The following TRPM8 variants were observed in gnomAD, a reference collection of about 807,000 sequenced individuals.
TRPM8 encodes transient receptor potential cation channel subfamily M member 8.
Under a neutral mutation model 133.7 loss-of-function variants are expected in TRPM8, and 110 were observed. The ratio of observed to expected loss-of-function variants is 0.82; its 90% CI spans 0.70 to 0.96. The LOEUF (loss-of-function observed/expected upper bound fraction) is 0.96. Among genes scored for constraint, TRPM8 ranks in the 40% least tolerant of loss-of-function variants. The pLI is 0.00. For missense variants in TRPM8, 1,291 were observed against 1,379.5 expected (o/e 0.94, Z 1.02); for synonymous variants, 535 against 532.3 (o/e 1.01, Z -0.07).
intron 6 of TRPM8, 44 bp from the exon 7 acceptor site, chr2:233,945,812 A>T: frequency 6.5e-7 from 1 of 1,535,214 alleles, no homozygotes; most frequent in Non-Finnish European, 9.0e-7. Context: ...ATGTATCTTG[A>T]CTGATAATAC....
At chr2:233,953,673 G>A (rs1038376847) in intron 9 of TRPM8, 8 of 336,472 alleles carry the variant, frequency 2.4e-5, no homozygotes, top group African/African-American at 1.5e-4. Flanking sequence ...GCACCTGCAC[G>A]CAGATGCACA....
At chr2:234,010,966 G>C (rs1401820812) in intron 24 of TRPM8, among the ~76,000 whole-genome samples, 4 of 152,080 alleles carry the variant, frequency 2.6e-5, no homozygotes, top group Non-Finnish European at 5.9e-5. Context: ...TGTGAAGAAG[G>C]TTTTGTTTTA....
At chr2:233,975,881 C>CAAACAAAACA (rs71400708) in intron 17 of TRPM8, among the ~76,000 whole-genome samples, 8 of 150,696 alleles carry the variant, frequency 5.3e-5, no homozygotes, top group South Asian at 2.1e-4. Flanking sequence ...GACTCCACCT[C>CAAACAAAACA]AAACAAAACA....
intron 1 of TRPM8, among the ~76,000 whole-genome samples, chr2:233,920,426 G>C (rs1472196948): frequency 1.3e-5 from 2 of 152,200 alleles, no homozygotes; most frequent in Non-Finnish European, 2.9e-5. Flanking sequence ...AGCAAAGATT[G>C]ACATAGTTAA....
Position 233,936,908 on chromosome 2 carries a change from T to G in TRPM8, c.192-445T>G, listed in dbSNP as rs1232338110. 3.7e-5 allele frequency among the ~76,000 whole-genome samples: 5 copies of G among 135,376 alleles called. No homozygotes were observed. In the East Asian group the frequency reaches 1.1e-3, roughly 29 times the overall value. The allele number at this position is 135,376 out of a possible 152,430, so 88.8% of individuals were successfully genotyped here. On this transcript the variant is annotated intron_variant, in intron 3 of 25. Coordinates refer to ENST00000324695, the MANE Select transcript of TRPM8 (RefSeq NM_024080.5). ...TTTCTTTCCTTTTTTTTTTTTTTTT[T>G]TTTTTTGAGAGGGAGTCTTGCTCTG...
chr2:233,923,165 G>A (rs1363018744), intron 1 of TRPM8, among the ~76,000 whole-genome samples: 3 of 152,072 alleles, frequency 2.0e-5, no homozygotes, highest in Non-Finnish European at 1.5e-5. Flanking sequence ...CACCGTGCCC[G>A]GCCATTTTTA....
At chr2:234,005,404 T>C (rs929007303) in intron 22 of TRPM8, among the ~76,000 whole-genome samples, 1 of 152,234 alleles carries the variant, frequency 6.6e-6, no homozygotes, top group Non-Finnish European at 1.5e-5. Context: ...TCATTTGTCA[T>C]CCTTGCTCTC....
intron 22 of TRPM8, among the ~76,000 whole-genome samples, chr2:234,002,800 T>C (rs77507366): frequency 0.029 from 4,421 of 152,296 alleles, 224 homozygotes; most frequent in African/African-American, 0.1. Context: ...TCTGCTTTTT[T>C]TTAAAATCCT....
chr2:233,962,171 G>T (rs188707384), intron 12 of TRPM8, among the ~76,000 whole-genome samples: 1 of 152,188 alleles, frequency 6.6e-6, no homozygotes, highest in African/African-American at 2.4e-5. Context: ...AGACAATTTT[G>T]TGGCTGTAAC....
chr2:234,008,714 C>T (rs1243999829), intron 24 of TRPM8, among the ~76,000 whole-genome samples: 1 of 152,140 alleles, frequency 6.6e-6, no homozygotes, highest in Non-Finnish European at 1.5e-5. Flanking sequence ...TCATAGACCT[C>T]CCAGTGTTGT....
intron 6 of TRPM8, among the ~76,000 whole-genome samples, chr2:233,943,634 G>A (rs947067695): frequency 1.3e-5 from 2 of 152,124 alleles, no homozygotes; most frequent in Non-Finnish European, 2.9e-5. Flanking sequence ...CCCGCCCCCT[G>A]CAAATGTTTC....
At chr2:233,972,682 C>T (rs1471569161) in intron 17 of TRPM8, among the ~76,000 whole-genome samples, 1 of 152,200 alleles carries the variant, frequency 6.6e-6, no homozygotes, top group Non-Finnish European at 1.5e-5. Flanking sequence ...GCTGGGGGAC[C>T]CAGTACACTC....
chr2:234,014,387 C>A (rs1452233814), intron 24 of TRPM8, among the ~76,000 whole-genome samples, 175 bp from the exon 25 acceptor site: 1 of 152,108 alleles, frequency 6.6e-6, no homozygotes, highest in Non-Finnish European at 1.5e-5. Flanking sequence ...AGAAAGTAAG[C>A]AATGATCAGG....
At chr2:233,981,958 G>T in intron 19 of TRPM8, 43 bp downstream of exon 19, 1 of 1,548,230 alleles carries the variant, frequency 6.5e-7, no homozygotes, top group African/African-American at 1.4e-5. Context: ...TTCTTGCGGG[G>T]CCCAGAGTTC....
chr2:233,985,959 T>C, intron 21 of TRPM8, 94 bp downstream of exon 21: 2 of 1,193,232 alleles, frequency 1.7e-6, no homozygotes, highest in Non-Finnish European at 2.4e-6. Context: ...GTCCCACCCT[T>C]GAGGAACATA....
chr2:233,969,129 G>T (rs376593482), intron 15 of TRPM8, among the ~76,000 whole-genome samples: 2 of 152,018 alleles, frequency 1.3e-5, no homozygotes, highest in Admixed American at 6.6e-5. Flanking sequence ...GAATTTGAAC[G>T]TACACAACTA....
At chr2:233,997,502 G>T (rs1478402092) in intron 22 of TRPM8, among the ~76,000 whole-genome samples, 2 of 152,126 alleles carry the variant, frequency 1.3e-5, no homozygotes, top group African/African-American at 4.8e-5. Context: ...GGAGCTGAAA[G>T]CCTTTTCTTA....
At chr2:233,978,687 A>C (rs1487109902) in intron 17 of TRPM8, among the ~76,000 whole-genome samples, 1 of 152,170 alleles carries the variant, frequency 6.6e-6, no homozygotes, top group East Asian at 1.9e-4. Flanking sequence ...TTCCTAGATT[A>C]TGCTTTTCCC....
intron 9 of TRPM8, 79 bp from the exon 10 acceptor site, chr2:233,953,838 T>A: frequency 9.5e-7 from 1 of 1,056,832 alleles, no homozygotes; most frequent in Non-Finnish European, 1.4e-6. Flanking sequence ...TTTAAAAAGA[T>A]CTCTCACAAA....
Sources: allele counts gnomAD v4.1 joint callset (sites outside exome capture counted in the v4.1 genomes callset), GRCh38; gene constraint gnomAD v4.1.1; transcripts MANE v1.5; gene names NCBI Gene and HGNC (gene_info 2026-07-23, HGNC 2026-07-21).